RGS17: variants seen among roughly 807,000 people sequenced by gnomAD.
RGS17 encodes the protein regulator of G-protein signaling 17.
Under a neutral mutation model 25.5 loss-of-function variants are expected in RGS17, and 12 were observed. The observed-to-expected ratio is 0.47, with a 90% confidence interval of 0.30 to 0.76. The LOEUF (loss-of-function observed/expected upper bound fraction) is 0.76. RGS17 is among the 30% of genes least tolerant of loss of function. The pLI, the probability that RGS17 is intolerant of heterozygous loss-of-function variation, is 0.07. For synonymous variants in RGS17, 71 were observed against 76.9 expected (o/e 0.92, Z 0.40); for missense variants, 196 against 242.2 (o/e 0.81, Z 1.27).
At chr6:153,087,893 T>C (rs180713665) in intron 1 of RGS17, among the ~76,000 whole-genome samples, 86 of 152,320 alleles carry the variant, frequency 5.6e-4, no homozygotes, top group South Asian at 1.5e-3. Flanking sequence ...CACACCAATG[T>C]ATAATCCTCT....
In RGS17 at chr6:153,107,697, C is replaced by T. The variant is rs556805020; in HGVS notation, c.-26+23427G>A. Among the ~76,000 whole-genome samples, 16 of 152,322 alleles carry T rather than the reference C, an allele frequency of 1.1e-4. No homozygotes were observed. In the South Asian group the frequency reaches 3.1e-3, roughly 30 times the overall value. On this transcript the variant is annotated intron_variant, in intron 1 of 4. Coordinates refer to ENST00000206262, the MANE Select transcript of RGS17 (RefSeq NM_012419.5). ...CTTAGCTGTAAAAATATCACTTGCT[C>T]TGTTTCACCTGAAATCGTTGCAAGT...
chr6:153,076,941 T>A (rs938628736), intron 1 of RGS17, among the ~76,000 whole-genome samples: 1 of 152,120 alleles, frequency 6.6e-6, no homozygotes, highest in Non-Finnish European at 1.5e-5. Flanking sequence ...AACCTTTGTA[T>A]GGGGCCCAAA....
intron 1 of RGS17, among the ~76,000 whole-genome samples, chr6:153,066,957 G>A (rs548224782): frequency 5.1e-4 from 77 of 152,050 alleles, no homozygotes; most frequent in African/African-American, 1.7e-3. Flanking sequence ...GGAGAATGGC[G>A]TGTACCTGGG....
chr6:153,055,859 G>A (rs967357445), intron 1 of RGS17, among the ~76,000 whole-genome samples: 1 of 152,154 alleles, frequency 6.6e-6, no homozygotes, highest in Non-Finnish European at 1.5e-5. Flanking sequence ...GTTTTACTCT[G>A]TTACTTCTTT....
At chr6:153,119,502 CA>C (rs1777592303) in intron 1 of RGS17, among the ~76,000 whole-genome samples, 2 of 152,208 alleles carry the variant, frequency 1.3e-5, no homozygotes, top group South Asian at 4.2e-4. Context: ...CAAGCCTGAC[CA>C]ACCTGGTGAA....
At chr6:153,014,912 TC>T (rs1172242860) in intron 4 of RGS17, among the ~76,000 whole-genome samples, 3 of 152,166 alleles carry the variant, frequency 2.0e-5, no homozygotes, top group African/African-American at 7.2e-5. Flanking sequence ...ACCATTCTAG[TC>T]ATTAAGAACA....
chr6:153,005,134 A>G lies in RGS17; in HGVS notation c.*6440T>C, dbSNP rs1779060765. 6.6e-6 allele frequency: 1 copy of G among 152,208 alleles called. No homozygotes were observed. The highest frequency in any genetic ancestry group is 1.5e-5 in the Non-Finnish European group (1 of 68,028). 9.4% of individuals were successfully genotyped at this position (152,208 alleles called of 1,614,324 possible). A position where few individuals can be genotyped will look rare whatever the true frequency, so the allele number is the denominator to read the frequency against. Reference sequence around the variant, plus strand: ...AGTGTTCATTGATTAGTGGAGGGCAATATAAAAATGCAATAAGCAAAATGG... The same window carrying G: ...AGTGTTCATTGATTAGTGGAGGGCAGTATAAAAATGCAATAAGCAAAATGG... On this transcript the variant is annotated 3_prime_UTR_variant, in exon 5 of 5. Coordinates refer to ENST00000206262, the MANE Select transcript of RGS17 (RefSeq NM_012419.5).
chr6:153,027,820 C>T (rs1425968006), intron 2 of RGS17, among the ~76,000 whole-genome samples: 2 of 152,076 alleles, frequency 1.3e-5, no homozygotes, highest in Non-Finnish European at 2.9e-5. Flanking sequence ...TCATAGACCA[C>T]TTACTATGTG....
intron 4 of RGS17, among the ~76,000 whole-genome samples, chr6:153,013,847 T>G (rs968030219): frequency 1.2e-4 from 18 of 152,204 alleles, no homozygotes; most frequent in African/African-American, 4.3e-4. Flanking sequence ...TAAGAAAAGT[T>G]TGAAGCTCAC....
intron 1 of RGS17, among the ~76,000 whole-genome samples, chr6:153,079,264 G>C (rs1013612249): frequency 3.3e-5 from 5 of 152,100 alleles, no homozygotes; most frequent in African/African-American, 1.2e-4. Flanking sequence ...TTTTAGCAGA[G>C]ATGAGGTTTC....
intron 1 of RGS17, among the ~76,000 whole-genome samples, chr6:153,058,515 T>A (rs1361709900): frequency 1.3e-5 from 2 of 152,228 alleles, no homozygotes; most frequent in African/African-American, 4.8e-5. Context: ...ACAATCAAAC[T>A]TCATTATAAC....
At chr6:153,012,362 TACTA>T (rs1254865470) in intron 4 of RGS17, among the ~76,000 whole-genome samples, 1 of 152,306 alleles carries the variant, frequency 6.6e-6, no homozygotes, top group East Asian at 1.9e-4. Context: ...AAAGACCTCT[TACTA>T]ACGATGAAGC....
At position 153,010,063 on chromosome 6, in the gene RGS17, A is replaced by G. The variant is rs189472533; in HGVS notation, c.*1511T>C. ...GGTAGTTAAAAAAATGACAAAGAAA[A>G]CCTGTAACTGTAATATCATCCTTAA... On this transcript the variant is annotated 3_prime_UTR_variant, in exon 5 of 5. Coordinates refer to ENST00000206262, the MANE Select transcript of RGS17 (RefSeq NM_012419.5). 1 of 151,928 alleles carries G rather than the reference A, an allele frequency of 6.6e-6. No individual in the cohort carries two copies. The highest frequency in any genetic ancestry group is 6.5e-5 in the Admixed American group (1 of 15,270). The allele number at this position is 151,928 out of a possible 1,614,324, so 9.4% of individuals were successfully genotyped here.
intron 1 of RGS17, among the ~76,000 whole-genome samples, chr6:153,107,009 A>T (rs1777393591): frequency 6.6e-6 from 1 of 152,090 alleles, no homozygotes; most frequent in Non-Finnish European, 1.5e-5. Context: ...TCTTGATGGC[A>T]TCTCTGGATT....
intron 2 of RGS17, among the ~76,000 whole-genome samples, chr6:153,038,585 G>A (rs1436111537): frequency 6.6e-6 from 1 of 152,230 alleles, no homozygotes; most frequent in African/African-American, 2.4e-5. Flanking sequence ...AGCTCTCTGA[G>A]GGTGACAGGC....
chr6:153,058,140 C>T (rs1321582391), intron 1 of RGS17, among the ~76,000 whole-genome samples: 1 of 152,198 alleles, frequency 6.6e-6, no homozygotes, highest in Non-Finnish European at 1.5e-5. Flanking sequence ...ATACTTGGAA[C>T]AAATCTTTGC....
chr6:153,110,599 T>C (rs1777455457), intron 1 of RGS17, among the ~76,000 whole-genome samples: 1 of 152,186 alleles, frequency 6.6e-6, no homozygotes. Context: ...ATGGGCACTA[T>C]ATTAGTCTGT....
chr6:153,081,362 C>T (rs1010540993), intron 1 of RGS17, among the ~76,000 whole-genome samples: 1 of 152,056 alleles, frequency 6.6e-6, no homozygotes, highest in African/African-American at 2.4e-5. Context: ...TTCTGAACTC[C>T]AGGTCTCTGA....
At position 153,011,533 on chromosome 6, in the gene RGS17, T is replaced by A. The variant is rs745604887; in HGVS notation, c.*41A>T. ...CTGATGTTATTTAACTACTTTTATT[T>A]CCCATCTCAGCCCTCCAAAATGATT... On this transcript the variant is annotated 3_prime_UTR_variant, in exon 5 of 5. Coordinates refer to ENST00000206262, the MANE Select transcript of RGS17 (RefSeq NM_012419.5). The A allele has an allele frequency of 2.2e-6, 3 of 1,378,946 alleles. No individual in the cohort carries two copies. In the South Asian group the frequency reaches 3.7e-5, roughly 17 times the overall value. 85.4% of individuals were successfully genotyped at this position (1,378,946 alleles called of 1,614,324 possible).
Sources: allele counts gnomAD v4.1 joint callset (sites outside exome capture counted in the v4.1 genomes callset), GRCh38; gene constraint gnomAD v4.1.1; transcripts MANE v1.5; gene names NCBI Gene and HGNC (gene_info 2026-07-23, HGNC 2026-07-21).